Variants in CA1 observed in about 807,000 individuals in gnomAD.
CA1 encodes the protein carbonic anhydrase 1.
Under a neutral mutation model 28.8 loss-of-function variants are expected in CA1, and 27 were observed. The ratio of observed to expected loss-of-function variants is 0.94; its 90% CI spans 0.69 to 1.29. The LOEUF is 1.29. CA1 is among the 50% of genes most tolerant of loss of function. The pLI is 0.00. For synonymous variants in CA1, 121 were observed against 108.8 expected (o/e 1.11, Z -0.70); for missense variants, 335 against 310.5 (o/e 1.08, Z -0.59).
intron 1 of CA1, among the ~76,000 whole-genome samples, chr8:85,372,177 A>T (rs891449474): frequency 6.6e-6 from 1 of 152,170 alleles, no homozygotes; most frequent in African/African-American, 2.4e-5. Flanking sequence ...ACCATATGCC[A>T]TGGTAGAACT....
At chr8:85,333,674 A>G (rs1351724959) in intron 4 of CA1, 54 bp from the exon 5 acceptor site, 8 of 1,113,418 alleles carry the variant, frequency 7.2e-6, no homozygotes, top group Middle Eastern at 2.0e-4. Flanking sequence ...ATGAAAAAAG[A>G]TAAGTTATAA....
At chr8:85,347,871 C>T (rs1809261292) in intron 1 of CA1, among the ~76,000 whole-genome samples, 1 of 152,088 alleles carries the variant, frequency 6.6e-6, no homozygotes, top group Non-Finnish European at 1.5e-5. Flanking sequence ...CTGAAGAGGG[C>T]GGGTCCTGAT....
intron 1 of CA1, chr8:85,343,345 T>C (rs528562806): frequency 5.3e-5 from 8 of 152,160 alleles, no homozygotes; most frequent in Non-Finnish European, 1.0e-4. Context: ...AAGCCTAGGG[T>C]TTAAACCTAG....
At chr8:85,354,384 A>G (rs546129092) in intron 1 of CA1, among the ~76,000 whole-genome samples, 1 of 151,994 alleles carries the variant, frequency 6.6e-6, no homozygotes, top group East Asian at 1.9e-4. Flanking sequence ...AAGGAAATTA[A>G]TCTCTTAGAT....
In CA1 at chr8:85,332,518, A is replaced by T; in HGVS notation, c.485T>A (p.Leu162His). The change falls in exon 6 of 8, where the codon CTT becomes CAT. Residue 162 changes from leucine (L) to histidine (H), a missense_variant. Physicochemically the swap from Leu to His is moderately conservative, Grantham distance 99. Transcript: ENST00000523022. Reference sequence around the variant, plus strand: ...GGTTTTAATTGCTTGGAGGGCATCAAGTACTTTCTGCAGCTTTGGGTTGGC... The same window carrying T: ...GGTTTTAATTGCTTGGAGGGCATCATGTACTTTCTGCAGCTTTGGGTTGGC... ...GEANPKLQKVLDALQAIKTKG... is the reference protein window; with the variant it reads ...GEANPKLQKVHDALQAIKTKG... The T allele has an allele frequency of 1.9e-6, 3 of 1,613,240 alleles. No individual in the cohort carries two copies. The highest frequency in any genetic ancestry group is 2.5e-6 in the Non-Finnish European group (3 of 1,179,384).
Position 85,329,720 on chromosome 8 carries a change from C to G in CA1, c.638G>C (p.Cys213Ser). Residue 213 changes from cysteine to serine, a missense_variant, in exon 7 of 8, where the codon TGT becomes TCT. By Grantham distance (112) the Cys-to-Ser change is moderately radical. Transcript: ENST00000523022. ...PLYESVTWII[C>S]KESISVSSEQ... ...TGAGCTGACACTGATGCTCTCCTTA[C>G]AGATGATCCAAGTTACACTCTCATA... 6.2e-7 allele frequency: 1 copy of G among 1,610,562 alleles called. No individual in the cohort carries two copies. Among genetic ancestry groups the G allele is most frequent in the Non-Finnish European group, 8.5e-7 (1 of 1,178,140 alleles).
chr8:85,332,617 A>AT, intron 5 of CA1, 65 bp from the exon 6 acceptor site: 1 of 1,249,834 alleles, frequency 8.0e-7, no homozygotes. Flanking sequence ...GCTTAGCTAA[A>AT]TTTTGAATTT....
chr8:85,332,106 AAC>A (rs1808431021), intron 6 of CA1, among the ~76,000 whole-genome samples: 1 of 152,164 alleles, frequency 6.6e-6, no homozygotes, highest in African/African-American at 2.4e-5. Flanking sequence ...ATTGTATATC[AAC>A]CATATCTCAA....
intron 1 of CA1, among the ~76,000 whole-genome samples, chr8:85,368,107 G>A (rs966373140): frequency 9.2e-5 from 14 of 151,742 alleles, no homozygotes; most frequent in Admixed American, 2.6e-4. Flanking sequence ...AGGACAGAAT[G>A]TTTATGAATC....
At chr8:85,338,073 C>G (rs1808734294) in intron 3 of CA1, 179 bp downstream of exon 3, 1 of 706,972 alleles carries the variant, frequency 1.4e-6, no homozygotes, top group African/African-American at 1.7e-5. Flanking sequence ...CTGGGAGTTC[C>G]AAAAATTGTC....
chr8:85,372,199 G>T (rs1050533470), intron 1 of CA1, among the ~76,000 whole-genome samples: 1 of 151,996 alleles, frequency 6.6e-6, no homozygotes, highest in African/African-American at 2.4e-5. Context: ...AAGTTCAGAC[G>T]CGAGCACAGA....
intron 1 of CA1, among the ~76,000 whole-genome samples, chr8:85,348,480 A>C (rs1564032522): frequency 6.6e-6 from 1 of 152,194 alleles, no homozygotes; most frequent in Admixed American, 6.5e-5. Context: ...GATCTATCAA[A>C]GAAAAGTGGC....
At chr8:85,332,803 G>A (rs759854509) in intron 5 of CA1, among the ~76,000 whole-genome samples, 4 of 152,096 alleles carry the variant, frequency 2.6e-5, no homozygotes, top group Non-Finnish European at 5.9e-5. Context: ...TTGGCAATAT[G>A]TTCAAAGTTA....
intron 4 of CA1, among the ~76,000 whole-genome samples, 193 bp downstream of exon 4, chr8:85,336,752 C>T (rs755307343): frequency 6.6e-6 from 1 of 152,142 alleles, no homozygotes; most frequent in Non-Finnish European, 1.5e-5. Flanking sequence ...TTAGCTGCCT[C>T]TTTCCACATG....
intron 7 of CA1, among the ~76,000 whole-genome samples, chr8:85,329,482 T>C (rs1340524524): frequency 6.6e-6 from 1 of 151,948 alleles, no homozygotes; most frequent in Non-Finnish European, 1.5e-5. Flanking sequence ...GGAGTCATTT[T>C]TTTTCTGCAT....
At chr8:85,362,236 G>T (rs1040159034) in intron 1 of CA1, among the ~76,000 whole-genome samples, 4 of 151,952 alleles carry the variant, frequency 2.6e-5, no homozygotes, top group African/African-American at 9.7e-5. Context: ...CTTCTTATAA[G>T]AATCTTTGTG....
chr8:85,352,288 G>A (rs960571457), intron 1 of CA1, among the ~76,000 whole-genome samples: 5 of 152,072 alleles, frequency 3.3e-5, no homozygotes, highest in Non-Finnish European at 7.4e-5. Flanking sequence ...ATTTGGCCCC[G>A]CTACATGTTA....
intron 3 of CA1, 88 bp downstream of exon 3, chr8:85,338,164 G>T: frequency 9.0e-7 from 1 of 1,106,928 alleles, no homozygotes; most frequent in Non-Finnish European, 1.4e-6. Context: ...AAAAGACTTA[G>T]AATGGGTGTC....
chr8:85,363,181 A>C (rs1264198027), intron 1 of CA1, among the ~76,000 whole-genome samples: 1 of 152,194 alleles, frequency 6.6e-6, no homozygotes, highest in African/African-American at 2.4e-5. Flanking sequence ...TTTTACTACT[A>C]ATGAGAGAAA....
Sources: allele counts gnomAD v4.1 joint callset (sites outside exome capture counted in the v4.1 genomes callset), GRCh38; gene constraint gnomAD v4.1.1; transcripts MANE v1.5; gene names NCBI Gene and HGNC (gene_info 2026-07-23, HGNC 2026-07-21).